Variants in FAM13A observed in about 807,000 individuals in gnomAD.
FAM13A encodes the protein protein FAM13A.
In FAM13A, 76 loss-of-function variants were observed where a neutral mutation model predicts 129.6. The observed-to-expected ratio is 0.59, with a 90% CI of 0.49 to 0.71. FAM13A has a LOEUF of 0.71. Ranked by LOEUF, FAM13A falls within the 30% of genes least tolerant of loss-of-function variation. The pLI is 0.00. For missense variants in FAM13A, 1,108 were observed against 1,249.3 expected, an observed-to-expected ratio of 0.89 and a Z score of 1.70; for synonymous variants, 443 against 449.9, an observed-to-expected ratio of 0.98 and a Z score of 0.20.
chr4:88,861,376 G>A (rs1441822406), intron 6 of FAM13A, among the ~76,000 whole-genome samples: 5 of 109,926 alleles, frequency 4.5e-5, no homozygotes, highest in Non-Finnish European at 6.9e-5. Flanking sequence ...GCAAGACTCC[G>A]TCTCAAAAAA....
chr4:88,822,578 C>A (rs1397288690), intron 7 of FAM13A, among the ~76,000 whole-genome samples: 2 of 152,186 alleles, frequency 1.3e-5, no homozygotes, highest in Non-Finnish European at 2.9e-5. Flanking sequence ...TCTTGTGATG[C>A]ATTTTAAAAG....
Position 88,739,076 on chromosome 4 carries a change from C to T in FAM13A, c.2516G>A (p.Arg839Gln), listed in dbSNP as rs1291474283. Residue 839 changes from arginine to glutamine, a missense_variant, in exon 20 of 24, where the codon CGG becomes CAG. This residue lies in a region of FAM13A where 529 missense variants were observed against 621.2 expected (regional missense o/e 0.85). Coordinates refer to ENST00000264344, the MANE Select transcript of FAM13A (RefSeq NM_014883.4). ...TCGGGAGAGGATCTGTTTGACCAGC[C>T]GGTACCTGTCGTATAGTGGCTTCAT... The part of the protein sequence containing the change: ...QVMKPLYDRY[R>Q]LVKQILSRAN... The T allele has an allele frequency of 1.5e-5, 25 of 1,613,832 alleles. No homozygotes were observed. Among genetic ancestry groups the T allele is most frequent in the South Asian group, 4.4e-5 (4 of 91,054 alleles).
chr4:88,973,960 G>A (rs1760529190), intron 4 of FAM13A, among the ~76,000 whole-genome samples: 1 of 152,174 alleles, frequency 6.6e-6, no homozygotes, highest in Admixed American at 6.5e-5. Context: ...GTTAGGCCCT[G>A]AGAAATCCCT....
In FAM13A at chr4:88,760,572, C is replaced by T. The variant is rs1437864814; in HGVS notation, c.1579-1671G>A. Among the ~76,000 whole-genome samples the T allele has an allele frequency of 6.4e-5, 8 of 124,348 alleles. 1 individual carries two copies. Among genetic ancestry groups the T allele is most frequent in the African/African-American group, 2.5e-4 (8 of 32,208 alleles). The allele number at this position is 124,348 out of a possible 152,430, so 81.6% of individuals were successfully genotyped here. A position where few individuals can be genotyped will look rare whatever the true frequency, so the allele number is the denominator to read the frequency against. On this transcript the variant is annotated intron_variant, in intron 13 of 23. Transcript: ENST00000264344. ...TGAGCCGAGGTCGCGCCACTGCACT[C>T]CAGCCTGGGCGACAGAGCGAGACTC... is the stretch of plus-strand genomic sequence containing the variant.
rs760217534 is a variant in FAM13A at position 88,750,507 on chromosome 4, C to A, written c.1857G>T (p.Arg619=). The stretch of plus-strand genomic sequence containing the variant: ...GCCTGCTCTGCCCATAAGCGTAGAA[C>A]CGAGGAGAGAGCATGGGGTCGCTGT... The part of the protein sequence containing the change: ...DEDSDPMLSP[R]FYAYGQSRQY... The change falls in exon 15 of 24, where the codon CGG becomes CGT. Residue 619 remains arginine (R), a synonymous_variant. Coordinates refer to ENST00000264344, the MANE Select transcript of FAM13A (RefSeq NM_014883.4). 1 of 1,614,020 alleles carries A rather than the reference C, an allele frequency of 6.2e-7. No individual in the cohort carries two copies. Among genetic ancestry groups the A allele is most frequent in the African/African-American group, 1.3e-5 (1 of 74,906 alleles).
chr4:88,921,998 T>C (rs1308120172), intron 5 of FAM13A, among the ~76,000 whole-genome samples: 1 of 151,842 alleles, frequency 6.6e-6, no homozygotes. Flanking sequence ...CAAGAAGAGC[T>C]AACTATCCTA....
intron 4 of FAM13A, among the ~76,000 whole-genome samples, chr4:88,985,408 CA>C (rs939777404): frequency 6.6e-6 from 1 of 152,126 alleles, no homozygotes; most frequent in Non-Finnish European, 1.5e-5. Context: ...TGTATCTATT[CA>C]AAACCAACAA....
At chr4:88,826,198 C>T (rs1203372552) in intron 7 of FAM13A, among the ~76,000 whole-genome samples, 1 of 152,060 alleles carries the variant, frequency 6.6e-6, no homozygotes, top group Non-Finnish European at 1.5e-5. Flanking sequence ...TTAACCCCCA[C>T]TACTTCTCCC....
chr4:88,831,451 T>G, intron 7 of FAM13A, among the ~76,000 whole-genome samples: 1 of 152,180 alleles, frequency 6.6e-6, no homozygotes, highest in East Asian at 1.9e-4. Flanking sequence ...ATTCTATGTC[T>G]ATAAAACATA....
chr4:88,840,363 G>A (rs1014307517), intron 7 of FAM13A, among the ~76,000 whole-genome samples: 2 of 152,074 alleles, frequency 1.3e-5, no homozygotes, highest in Non-Finnish European at 1.5e-5. Context: ...TTGCTCCAAC[G>A]GAGAAGAGGA....
chr4:88,897,460 G>T (rs1579175289), intron 6 of FAM13A, among the ~76,000 whole-genome samples: 1 of 152,184 alleles, frequency 6.6e-6, no homozygotes, highest in Non-Finnish European at 1.5e-5. Context: ...CTCAAGAGCA[G>T]AGACACCAGC....
At chr4:88,856,641 TAAATGA>T (rs933809380) in intron 6 of FAM13A, among the ~76,000 whole-genome samples, 4 of 152,226 alleles carry the variant, frequency 2.6e-5, no homozygotes, top group African/African-American at 9.6e-5. Context: ...ATTCAAGGCT[TAAATGA>T]TTATGAAAGA....
chr4:89,053,155 A>C (rs2704585), intron 1 of FAM13A, among the ~76,000 whole-genome samples: 15,887 of 152,250 alleles, frequency 0.1, 899 homozygotes, highest in African/African-American at 0.14. Context: ...AACACAATTC[A>C]GTCAAATTCT....
At chr4:88,790,900 G>A (rs563856471) in intron 8 of FAM13A, among the ~76,000 whole-genome samples, 22 of 152,162 alleles carry the variant, frequency 1.4e-4, no homozygotes, top group African/African-American at 5.3e-4. Flanking sequence ...TCTCTTAGCT[G>A]TCAACCTATT....
chr4:88,985,334 C>G (rs1762103776), intron 4 of FAM13A, among the ~76,000 whole-genome samples: 1 of 152,116 alleles, frequency 6.6e-6, no homozygotes, highest in South Asian at 2.1e-4. Flanking sequence ...GCTAACAGTA[C>G]AGCATTTCTT....
intron 3 of FAM13A, among the ~76,000 whole-genome samples, chr4:88,999,836 G>C (rs144926501): frequency 9.2e-5 from 14 of 152,288 alleles, no homozygotes; most frequent in African/African-American, 3.4e-4. Context: ...AGAGCTCTAA[G>C]TGGCTAGCAA....
In FAM13A at chr4:88,726,392, T is replaced by C. The variant is rs1736482318; in HGVS notation, c.*2141A>G. On this transcript the variant is annotated 3_prime_UTR_variant, in exon 24 of 24. Coordinates refer to ENST00000264344, the MANE Select transcript of FAM13A (RefSeq NM_014883.4). ...ATAACTTACTTGGTGTTTTCTTTTATTGAATCATACAAATTCAAATGGGGA... is the reference window on the plus strand; with the variant it reads ...ATAACTTACTTGGTGTTTTCTTTTACTGAATCATACAAATTCAAATGGGGA... 6.6e-6 allele frequency: 1 copy of C among 152,586 alleles called. No individual in the cohort carries two copies. Among genetic ancestry groups the C allele is most frequent in the African/African-American group, 2.4e-5 (1 of 41,474 alleles). 9.5% of individuals were successfully genotyped at this position (152,586 alleles called of 1,614,324 possible). A position where few individuals can be genotyped will look rare whatever the true frequency, so the allele number is the denominator to read the frequency against.
chr4:88,733,164 C>G (rs961176660), intron 21 of FAM13A, among the ~76,000 whole-genome samples: 1 of 152,168 alleles, frequency 6.6e-6, no homozygotes, highest in Non-Finnish European at 1.5e-5. Flanking sequence ...CTCAGGAGGC[C>G]GCAGCAGTTC....
chr4:88,799,070 T>C (rs943514045), intron 8 of FAM13A, among the ~76,000 whole-genome samples: 2 of 152,218 alleles, frequency 1.3e-5, no homozygotes, highest in African/African-American at 4.8e-5. Context: ...CCAGAATCTA[T>C]ACTTACATCT....
Sources: gnomAD v4.1 joint callset for allele counts (sites outside exome capture counted in the v4.1 genomes callset) on GRCh38, gnomAD v4.1.1 for gene constraint, gnomAD v4.1.1 regional missense constraint, MANE v1.5 for transcripts, NCBI Gene and HGNC (gene_info 2026-07-23, HGNC 2026-07-21) for gene names.